The following ALPK1 variants were observed in gnomAD, a reference collection of about 807,000 sequenced individuals.
The protein encoded by ALPK1 is alpha kinase 1, also known as alpha-protein kinase 1.
ALPK1 carries 110 observed loss-of-function variants against 120.6 expected under a neutral mutation model. The ratio of observed to expected loss-of-function variants is 0.91; its 90% CI spans 0.78 to 1.07. The LOEUF (loss-of-function observed/expected upper bound fraction) is 1.07. Ranked by LOEUF, ALPK1 falls within the 50% of genes least tolerant of loss-of-function variation. ALPK1 has a pLI of 0.00. For synonymous variants in ALPK1, 582 were observed against 560.3 expected (o/e 1.04, Z -0.55); for missense variants, 1,498 against 1,483.9 (o/e 1.01, Z -0.16).
intron 2 of ALPK1, among the ~76,000 whole-genome samples, chr4:112,337,833 G>T (rs931616101): frequency 1.3e-5 from 2 of 152,166 alleles, no homozygotes; most frequent in Non-Finnish European, 1.5e-5. Flanking sequence ...GAGGATTTGT[G>T]AAGCATCTCT....
chr4:112,302,949 C>G (rs1050194756), intron 1 of ALPK1, among the ~76,000 whole-genome samples: 1 of 152,196 alleles, frequency 6.6e-6, no homozygotes, highest in African/African-American at 2.4e-5. Context: ...GAGACAAACA[C>G]AAAGGCTGCT....
intron 2 of ALPK1, among the ~76,000 whole-genome samples, chr4:112,345,639 G>A (rs1181765988): frequency 1.3e-5 from 2 of 152,090 alleles, no homozygotes; most frequent in African/African-American, 4.8e-5. Context: ...CCTCAAAAGA[G>A]AATTTTTAAA....
At chr4:112,333,933 TG>T (rs1729500199) in intron 2 of ALPK1, among the ~76,000 whole-genome samples, 3 of 151,630 alleles carry the variant, frequency 2.0e-5, no homozygotes, top group African/African-American at 7.3e-5. Context: ...TTGTTTTTTG[TG>T]TTTTTTTTTG....
chr4:112,377,891 C>G lies in ALPK1; in HGVS notation c.114C>G (p.Arg38=), dbSNP rs1731737999. ...AAGAGGACAAGAGCGAGGACCAGCG[C>G]TGCAGAGGTGAGGTTCTGATGGGAG... ...VSEEDKSEDQ[R]CRALLPSELR... Residue 38 remains arginine, a synonymous_variant, in exon 3 of 16, where the codon CGC becomes CGG. Transcript: ENST00000650871. 6.2e-7 allele frequency: 1 copy of G among 1,609,006 alleles called. No homozygotes were observed. The highest frequency in any genetic ancestry group is 1.1e-5 in the South Asian group (1 of 90,190).
At chr4:112,302,169 C>T (rs1337539511) in intron 1 of ALPK1, among the ~76,000 whole-genome samples, 1 of 152,128 alleles carries the variant, frequency 6.6e-6, no homozygotes, top group Admixed American at 6.5e-5. Flanking sequence ...CCTCATTTCT[C>T]CCAGTCACCA....
At chr4:112,319,973 A>G (rs1383386056) in intron 2 of ALPK1, among the ~76,000 whole-genome samples, 1 of 152,186 alleles carries the variant, frequency 6.6e-6, no homozygotes, top group Admixed American at 6.5e-5. Flanking sequence ...TAGGTATACA[A>G]TCATGTCATC....
At chr4:112,378,741 A>T (rs1366601177) in intron 3 of ALPK1, among the ~76,000 whole-genome samples, 1 of 151,916 alleles carries the variant, frequency 6.6e-6, no homozygotes, top group Non-Finnish European at 1.5e-5. Flanking sequence ...CATACTCCTC[A>T]TTTTTTGCTG....
chr4:112,383,932 T>C (rs2148730267), intron 4 of ALPK1: 1 of 152,356 alleles, frequency 6.6e-6, no homozygotes, highest in Non-Finnish European at 1.5e-5. Context: ...TCTAATATAA[T>C]GCCTATTTTG....
At chr4:112,376,932 T>G (rs553555224) in intron 2 of ALPK1, among the ~76,000 whole-genome samples, 22 of 152,326 alleles carry the variant, frequency 1.4e-4, no homozygotes, top group African/African-American at 5.3e-4. Context: ...TTTCTATGAA[T>G]TTGTCAGGCA....
chr4:112,352,612 G>A lies in ALPK1; in HGVS notation c.-100-25066G>A, dbSNP rs564176494. 16 of 152,194 alleles carry A rather than the reference G, an allele frequency of 1.1e-4. 1 individual carries two copies. Among genetic ancestry groups the A allele is most frequent in the African/African-American group, 3.6e-4 (15 of 41,546 alleles). The allele number at this position is 152,194 out of a possible 1,614,324, so 9.4% of individuals were successfully genotyped here. A position where few individuals can be genotyped will look rare whatever the true frequency, so the allele number is the denominator to read the frequency against. On this transcript the variant is annotated intron_variant, in intron 2 of 15. Coordinates refer to ENST00000650871, the MANE Select transcript of ALPK1 (RefSeq NM_025144.4). ...TGTAAATAGTTGTTATATTGAATTGGTTTTTTAGTTGTATTATTTTTGTTT... is the reference window on the plus strand; with the variant it reads ...TGTAAATAGTTGTTATATTGAATTGATTTTTTAGTTGTATTATTTTTGTTT...
chr4:112,329,950 TTTAC>T (rs1260143541), intron 2 of ALPK1, among the ~76,000 whole-genome samples: 2 of 152,358 alleles, frequency 1.3e-5, no homozygotes, highest in South Asian at 2.1e-4. Context: ...GCGCAGTTTA[TTTAC>T]TTACTTACGT....
intron 2 of ALPK1, among the ~76,000 whole-genome samples, chr4:112,364,661 A>C (rs1731061681): frequency 6.6e-6 from 1 of 152,194 alleles, no homozygotes; most frequent in Admixed American, 6.5e-5. Flanking sequence ...TATTAACACT[A>C]TTCCAAAAGA....
intron 4 of ALPK1, among the ~76,000 whole-genome samples, chr4:112,403,403 C>T (rs909248215): frequency 1.3e-5 from 2 of 152,050 alleles, no homozygotes; most frequent in Admixed American, 6.6e-5. Context: ...AGCATGCTGC[C>T]GTTTCAAAAG....
intron 4 of ALPK1, chr4:112,383,957 A>G (rs1349800816): frequency 6.6e-6 from 1 of 152,224 alleles, no homozygotes; most frequent in Non-Finnish European, 1.5e-5. Context: ...AAGGTATTGA[A>G]TATTTTGTGT....
At chr4:112,366,425 G>A (rs1199234383) in intron 2 of ALPK1, among the ~76,000 whole-genome samples, 2 of 151,550 alleles carry the variant, frequency 1.3e-5, no homozygotes, top group Non-Finnish European at 2.9e-5. Flanking sequence ...ATATACAAAT[G>A]GCCAACAAAC....
intron 3 of ALPK1, among the ~76,000 whole-genome samples, chr4:112,378,193 C>T (rs1431006473): frequency 6.6e-6 from 1 of 152,204 alleles, no homozygotes; most frequent in Non-Finnish European, 1.5e-5. Context: ...TTGGCTGGTG[C>T]ACGTAAATTT....
intron 1 of ALPK1, among the ~76,000 whole-genome samples, chr4:112,311,580 A>T (rs1286340500): frequency 2.0e-5 from 3 of 152,142 alleles, no homozygotes; most frequent in Non-Finnish European, 2.9e-5. Context: ...TTTGCCTAAG[A>T]TGACACACTT....
intron 2 of ALPK1, among the ~76,000 whole-genome samples, chr4:112,327,337 A>G (rs1235566526): frequency 1.3e-5 from 2 of 152,208 alleles, no homozygotes; most frequent in Non-Finnish European, 2.9e-5. Flanking sequence ...TAATAAACAT[A>G]TGTAAGTTGA....
chr4:112,344,140 A>G (rs752346251), intron 2 of ALPK1, among the ~76,000 whole-genome samples: 2 of 152,220 alleles, frequency 1.3e-5, no homozygotes, highest in Admixed American at 6.5e-5. Context: ...CGGGGAAAAA[A>G]TCTAATCTTT....
Sources: gnomAD v4.1 joint callset for allele counts (sites outside exome capture counted in the v4.1 genomes callset) on GRCh38, gnomAD v4.1.1 for gene constraint, MANE v1.5 for transcripts, NCBI Gene and HGNC (gene_info 2026-07-23, HGNC 2026-07-21) for gene names.